CCSER1: variants seen among roughly 807,000 people sequenced by gnomAD.
CCSER1 encodes coiled-coil serine rich protein 1, also known as serine-rich coiled-coil domain-containing protein 1.
Under a neutral mutation model 82.0 loss-of-function variants are expected in CCSER1, and 41 were observed. That is an observed-to-expected ratio of 0.50 (90% CI 0.39 to 0.65). CCSER1 has a LOEUF of 0.65. Among genes scored for constraint, CCSER1 ranks in the 30% least tolerant of loss-of-function variants. The pLI is 0.00. For synonymous variants in CCSER1, 414 were observed against 383.9 expected (o/e 1.08, Z -0.92); for missense variants, 1,119 against 1,064.2 (o/e 1.05, Z -0.72).
chr4:90,704,928 G>A (rs1014099307), intron 6 of CCSER1, among the ~76,000 whole-genome samples: 5 of 152,024 alleles, frequency 3.3e-5, no homozygotes, highest in African/African-American at 9.7e-5. Flanking sequence ...ACTTCCTTCT[G>A]TAGCTTGGAG....
intron 10 of CCSER1, among the ~76,000 whole-genome samples, chr4:91,499,648 A>G (rs1759102262): frequency 6.6e-6 from 1 of 151,616 alleles, no homozygotes; most frequent in Admixed American, 6.6e-5. Context: ...TTTCCCCCTA[A>G]TCTTTGACAG....
intron 10 of CCSER1, among the ~76,000 whole-genome samples, chr4:91,426,405 C>G (rs1464339466): frequency 6.6e-6 from 1 of 151,980 alleles, no homozygotes; most frequent in Non-Finnish European, 1.5e-5. Context: ...ATACACCCAG[C>G]AATGGGATTG....
At chr4:90,464,617 C>G (rs1366218547) in intron 4 of CCSER1, among the ~76,000 whole-genome samples, 2 of 152,180 alleles carry the variant, frequency 1.3e-5, no homozygotes, top group Non-Finnish European at 2.9e-5. Flanking sequence ...AACAAAAATT[C>G]TTTTCACAGA....
At chr4:90,271,858 ATATATTTTTTTTTTTTTT>A (rs1366057861) in intron 1 of CCSER1, among the ~76,000 whole-genome samples, 5 of 24,396 alleles carry the variant, frequency 2.0e-4, no homozygotes, top group African/African-American at 2.0e-3. Context: ...ATATATATAT[ATATATTTTTTTTTTTTTT>A]TTTTTTTTTT....
chr4:91,082,795 A>C (rs966925556), intron 9 of CCSER1, among the ~76,000 whole-genome samples: 22 of 152,172 alleles, frequency 1.4e-4, no homozygotes, highest in Non-Finnish European at 5.9e-5. Context: ...ATGCAGCCAA[A>C]AGACACATGA....
chr4:90,430,243 T>C (rs1487498923), intron 4 of CCSER1, among the ~76,000 whole-genome samples: 1 of 151,936 alleles, frequency 6.6e-6, no homozygotes, highest in Non-Finnish European at 1.5e-5. Context: ...TGTATCATGT[T>C]ATAGCTAACA....
At chr4:91,403,766 G>A (rs965138823) in intron 10 of CCSER1, among the ~76,000 whole-genome samples, 2 of 152,126 alleles carry the variant, frequency 1.3e-5, no homozygotes, top group Admixed American at 6.6e-5. Flanking sequence ...TCATGGATAA[G>A]CTTTTTGATG....
chr4:90,561,716 A>G (rs1778777990), intron 5 of CCSER1, among the ~76,000 whole-genome samples: 1 of 152,180 alleles, frequency 6.6e-6, no homozygotes, highest in African/African-American at 2.4e-5. Context: ...AAGGTCAGTA[A>G]GTAACCTCTT....
chr4:91,433,393 G>T (rs776610072), intron 10 of CCSER1, among the ~76,000 whole-genome samples: 10 of 152,158 alleles, frequency 6.6e-5, no homozygotes, highest in Non-Finnish European at 1.5e-4. Flanking sequence ...GTCTACAGTA[G>T]TGTACAGTAA....
intron 4 of CCSER1, among the ~76,000 whole-genome samples, chr4:90,421,367 G>A (rs180775180): frequency 1.3e-4 from 20 of 152,148 alleles, no homozygotes; most frequent in Non-Finnish European, 2.6e-4. Flanking sequence ...ACATCATAAC[G>A]TGCTAGCATA....
At chr4:90,801,061 A>G (rs145204990) in intron 7 of CCSER1, among the ~76,000 whole-genome samples, 204 of 152,300 alleles carry the variant, frequency 1.3e-3, no homozygotes, top group African/African-American at 4.6e-3. Flanking sequence ...GTTCAAAAAA[A>G]TGAAACAAAG....
At chr4:90,322,350 A>G (rs1737316116) in intron 3 of CCSER1, among the ~76,000 whole-genome samples, 1 of 152,116 alleles carries the variant, frequency 6.6e-6, no homozygotes, top group Non-Finnish European at 1.5e-5. Flanking sequence ...GTCTGTTTTT[A>G]TGATACTACC....
intron 10 of CCSER1, among the ~76,000 whole-genome samples, chr4:91,116,788 T>C (rs1726657087): frequency 6.6e-6 from 1 of 152,156 alleles, no homozygotes; most frequent in Non-Finnish European, 1.5e-5. Flanking sequence ...TTTTTTTTAC[T>C]TCAACCTGCA....
intron 10 of CCSER1, among the ~76,000 whole-genome samples, chr4:91,095,980 G>A (rs942282544): frequency 7.2e-5 from 11 of 152,148 alleles, no homozygotes; most frequent in African/African-American, 2.4e-4. Context: ...AGTAGCTGGT[G>A]GTGATCAGCC....
intron 3 of CCSER1, among the ~76,000 whole-genome samples, chr4:90,321,530 T>C (rs1737160945): frequency 6.6e-6 from 1 of 152,116 alleles, no homozygotes; most frequent in African/African-American, 2.4e-5. Flanking sequence ...AACATGGGAG[T>C]GCAGATATCT....
intron 10 of CCSER1, among the ~76,000 whole-genome samples, chr4:91,297,979 A>G (rs1744348377): frequency 6.6e-6 from 1 of 151,982 alleles, no homozygotes; most frequent in South Asian, 2.1e-4. Flanking sequence ...TAATTAGGAA[A>G]CTCAAGGAAT....
chr4:91,501,119 A>C (rs2110093357), intron 10 of CCSER1, among the ~76,000 whole-genome samples: 1 of 151,990 alleles, frequency 6.6e-6, no homozygotes, highest in East Asian at 1.9e-4. Flanking sequence ...ATATTATATT[A>C]ATCAATTTTT....
intron 1 of CCSER1, among the ~76,000 whole-genome samples, chr4:90,176,326 G>C (rs1329223003): frequency 6.6e-6 from 1 of 151,996 alleles, no homozygotes; most frequent in African/African-American, 2.4e-5. Context: ...CTAATTTGTA[G>C]AAGAGCTTTA....
intron 6 of CCSER1, among the ~76,000 whole-genome samples, chr4:90,671,616 G>A (rs1207788313): frequency 6.6e-6 from 1 of 151,944 alleles, no homozygotes; most frequent in African/African-American, 2.4e-5. Context: ...ACCTTTCAAA[G>A]TCATTTATGA....
Sources: allele counts gnomAD v4.1 joint callset (sites outside exome capture counted in the v4.1 genomes callset), GRCh38; gene constraint gnomAD v4.1.1; transcripts MANE v1.5; gene names NCBI Gene and HGNC (gene_info 2026-07-23, HGNC 2026-07-21).